The following IP6K2 variants were observed in gnomAD, a reference collection of about 807,000 sequenced individuals.
The protein encoded by IP6K2 is inositol hexakisphosphate kinase 2.
A neutral mutation model predicts 43.3 loss-of-function variants in IP6K2; 9 were observed. The ratio of observed to expected loss-of-function variants is 0.21; its 90% CI spans 0.13 to 0.36. IP6K2 has a LOEUF of 0.36. Ranked by LOEUF, IP6K2 falls within the 10% of genes least tolerant of loss-of-function variation. The probability of loss-of-function intolerance (pLI) is 1.00; values close to 1 mark genes in which losing one functional copy is unlikely to be tolerated. For synonymous variants in IP6K2, 209 were observed against 202.4 expected (o/e 1.03, Z -0.28); for missense variants, 332 against 538.4 (o/e 0.62, Z 3.79).
chr3:48,695,607 T>G lies in IP6K2; in HGVS notation c.-130-186A>C. On this transcript the variant is annotated intron_variant, in intron 1 of 5. Transcript: ENST00000328631. The surrounding 1 kb of genome is among the most constrained non-coding windows in gnomAD (Gnocchi z 4.6). ...GAAAAACAAAAACACTATGAGCTCA[T>G]GGGGCGGGGTTAGATGCAGACAGGC... 1 of 664,728 alleles carries G rather than the reference T, an allele frequency of 1.5e-6. No homozygotes were observed. The highest frequency in any genetic ancestry group is 2.1e-6 in the Non-Finnish European group (1 of 465,388). The allele number at this position is 664,728 out of a possible 1,614,324, so 41.2% of individuals were successfully genotyped here.
rs1438094043 is a variant in IP6K2 at position 48,695,369 on chromosome 3, C to T, written c.-78G>A. ...AGTACGTCTTCTGTCTGTTGTTTGT[C>T]CGTGTGTCCCTCTCGTCTTGGCTCC... On this transcript the variant is annotated 5_prime_UTR_variant, in exon 2 of 6. Coordinates refer to ENST00000328631, the MANE Select transcript of IP6K2 (RefSeq NM_016291.4). This position sits in a 1 kb window ranked among gnomAD's most constrained non-coding sequence, Gnocchi z 4.6. 1 of 1,494,456 alleles carries T rather than the reference C, an allele frequency of 6.7e-7. No individual in the cohort carries two copies. Among genetic ancestry groups the T allele is most frequent in the East Asian group, 2.4e-5 (1 of 41,358 alleles). 92.6% of individuals were successfully genotyped at this position (1,494,456 alleles called of 1,614,324 possible).
At chr3:48,689,311 C>T (rs899189176) in intron 5 of IP6K2, among the ~76,000 whole-genome samples, 2 of 152,178 alleles carry the variant, frequency 1.3e-5, no homozygotes, top group African/African-American at 4.8e-5. Context: ...CACCACCACG[C>T]CCAGCCAATT....
chr3:48,712,242 A>ATT (rs1553651735), intron 1 of IP6K2, among the ~76,000 whole-genome samples: 22 of 139,574 alleles, frequency 1.6e-4, no homozygotes, highest in East Asian at 2.1e-4. Context: ...CAAAAAAAAA[A>ATT]TTTTTTTTTT....
intron 1 of IP6K2, among the ~76,000 whole-genome samples, chr3:48,710,671 G>A (rs1025953939): frequency 6.6e-6 from 1 of 151,754 alleles, no homozygotes; most frequent in African/African-American, 2.4e-5. Context: ...GTGCAGTGGC[G>A]GGATCTCGGC....
chr3:48,688,136 T>C lies in IP6K2; in HGVS notation c.*137A>G. Reference sequence around the variant, plus strand: ...AAGCACAGCTGGGACTGGCTCAGGCTGGGGCTCACAGAGGCCACTGCACAT... The same window carrying C: ...AAGCACAGCTGGGACTGGCTCAGGCCGGGGCTCACAGAGGCCACTGCACAT... On this transcript the variant is annotated 3_prime_UTR_variant, in exon 6 of 6. Coordinates refer to ENST00000328631, the MANE Select transcript of IP6K2 (RefSeq NM_016291.4). This position sits in a 1 kb window ranked among gnomAD's most constrained non-coding sequence, Gnocchi z 5.1. 1.2e-6 allele frequency: 1 copy of C among 849,188 alleles called. No homozygotes were observed. The highest frequency in any genetic ancestry group is 1.9e-6 in the Non-Finnish European group (1 of 527,126). The allele number at this position is 849,188 out of a possible 1,614,324, so 52.6% of individuals were successfully genotyped here. A position where few individuals can be genotyped will look rare whatever the true frequency, so the allele number is the denominator to read the frequency against.
Position 48,688,463 on chromosome 3 carries a change from G to A in IP6K2, c.1091C>T (p.Ala364Val). The change falls in exon 6 of 6, where the codon GCT becomes GTT. Residue 364 changes from alanine (A) to valine (V), a missense_variant. Coordinates refer to ENST00000328631, the MANE Select transcript of IP6K2 (RefSeq NM_016291.4). This position sits in a 1 kb window ranked among gnomAD's most constrained non-coding sequence, Gnocchi z 5.1. ...GATGGGTTTGTAGGCATAGGCACCA[G>A]CAGACTCATCAGCTGATTCCTCTGA... is the stretch of plus-strand genomic sequence containing the variant. The part of the protein sequence containing the change: ...DLSEESADES[A>V]GAYAYKPIGA... 6.2e-7 allele frequency: 1 copy of A among 1,614,254 alleles called. No individual in the cohort carries two copies. Among genetic ancestry groups the A allele is most frequent in the South Asian group, 1.1e-5 (1 of 91,088 alleles).
chr3:48,717,022 C>T (rs2081269209), intron 1 of IP6K2, 135 bp downstream of exon 1: 1 of 154,106 alleles, frequency 6.5e-6, no homozygotes, highest in Non-Finnish European at 1.5e-5. Flanking sequence ...GAGATTTCCC[C>T]CACAATGACC....
chr3:48,712,242 ATTTTTT>A (rs1553651735), intron 1 of IP6K2, among the ~76,000 whole-genome samples: 2 of 139,586 alleles, frequency 1.4e-5, no homozygotes, highest in Non-Finnish European at 3.1e-5. Context: ...CAAAAAAAAA[ATTTTTT>A]TTTTTTTTTT....
chr3:48,690,277 G>T (rs537346929), intron 4 of IP6K2, among the ~76,000 whole-genome samples: 20 of 152,296 alleles, frequency 1.3e-4, no homozygotes, highest in African/African-American at 4.8e-4. Context: ...GGTAAACTAT[G>T]GCCCAGTGCT....
chr3:48,713,788 CAAA>C (rs397877320), intron 1 of IP6K2, among the ~76,000 whole-genome samples: 1 of 91,732 alleles, frequency 1.1e-5, no homozygotes. Context: ...GACATTTTTT[CAAA>C]AAAAAAAAAA....
intron 1 of IP6K2, among the ~76,000 whole-genome samples, chr3:48,704,531 T>C (rs1559546186): frequency 6.6e-6 from 1 of 151,832 alleles, no homozygotes; most frequent in Non-Finnish European, 1.5e-5. Context: ...TGCAGTGGCG[T>C]AATCTCAGCT....
intron 1 of IP6K2, among the ~76,000 whole-genome samples, chr3:48,714,907 C>G (rs934069701): frequency 1.5e-5 from 2 of 134,410 alleles, no homozygotes; most frequent in Admixed American, 7.4e-5. Flanking sequence ...GTAGATGAAA[C>G]AAGATTGGCC....
At chr3:48,701,585 A>G (rs1217259629) in intron 1 of IP6K2, among the ~76,000 whole-genome samples, 3 of 150,808 alleles carry the variant, frequency 2.0e-5, no homozygotes, top group African/African-American at 7.3e-5. Context: ...AAAAAAAAAA[A>G]AAAAAAAAAA....
intron 1 of IP6K2, among the ~76,000 whole-genome samples, chr3:48,707,359 ACAC>A (rs1288077899): frequency 6.6e-6 from 1 of 152,168 alleles, no homozygotes; most frequent in Middle Eastern, 3.2e-3. Context: ...AACAACCACA[ACAC>A]CACAACACGC....
At chr3:48,701,812 C>T (rs985470088) in intron 1 of IP6K2, among the ~76,000 whole-genome samples, 1 of 152,084 alleles carries the variant, frequency 6.6e-6, no homozygotes, top group Non-Finnish European at 1.5e-5. Context: ...GCACAAGAAT[C>T]GCTTGAGCAC....
At chr3:48,696,587 C>A (rs1285783389) in intron 1 of IP6K2, among the ~76,000 whole-genome samples, 1 of 152,202 alleles carries the variant, frequency 6.6e-6, no homozygotes, top group African/African-American at 2.4e-5. Flanking sequence ...ACCCTGTTAA[C>A]CAGTTCAGGC....
At chr3:48,709,305 CA>C (rs1300438579) in intron 1 of IP6K2, among the ~76,000 whole-genome samples, 1 of 152,234 alleles carries the variant, frequency 6.6e-6, no homozygotes, top group East Asian at 1.9e-4. Flanking sequence ...GGAGCAGGAA[CA>C]AAAGTGTACC....
intron 1 of IP6K2, among the ~76,000 whole-genome samples, chr3:48,696,064 T>C (rs2078309747): frequency 6.6e-6 from 1 of 151,666 alleles, no homozygotes; most frequent in Non-Finnish European, 1.5e-5. Flanking sequence ...TTTTGTATTT[T>C]TAGTAGAGAC....
At chr3:48,709,432 T>C (rs1276993252) in intron 1 of IP6K2, among the ~76,000 whole-genome samples, 2 of 152,238 alleles carry the variant, frequency 1.3e-5, no homozygotes, top group Non-Finnish European at 2.9e-5. Context: ...TCCAGGTTCG[T>C]GGCAGCAATC....
Sources: gnomAD v4.1 joint callset for allele counts (sites outside exome capture counted in the v4.1 genomes callset) on GRCh38, gnomAD v4.1.1 for gene constraint, Gnocchi (gnomAD v3.1) non-coding constraint, MANE v1.5 for transcripts, NCBI Gene and HGNC (gene_info 2026-07-23, HGNC 2026-07-21) for gene names.